The following MACROD2 variants were observed in gnomAD, a reference collection of about 807,000 sequenced individuals.
The protein encoded by MACROD2 is mono-ADP ribosylhydrolase 2, also known as ADP-ribose glycohydrolase MACROD2.
Under a neutral mutation model 70.4 loss-of-function variants are expected in MACROD2, and 36 were observed. The ratio of observed to expected loss-of-function variants is 0.51; its 90% confidence interval spans 0.39 to 0.68. The LOEUF (loss-of-function observed/expected upper bound fraction) is 0.68, where lower values mean the gene tolerates loss of function less well. MACROD2 is among the 30% of genes least tolerant of loss of function. The probability of loss-of-function intolerance (pLI) is 0.00; values close to 1 mark genes in which losing one functional copy is unlikely to be tolerated. For synonymous variants in MACROD2, 172 were observed against 178.8 expected, an observed-to-expected ratio of 0.96 and a Z score of 0.30; for missense variants, 496 against 538.4, an observed-to-expected ratio of 0.92 and a Z score of 0.78.
chr20:15,751,527 T>A (rs1420061139), intron 8 of MACROD2, among the ~76,000 whole-genome samples: 1 of 152,112 alleles, frequency 6.6e-6, no homozygotes, highest in Non-Finnish European at 1.5e-5. Flanking sequence ...ATTAAATCTA[T>A]GAAAGCTATG....
intron 2 of MACROD2, among the ~76,000 whole-genome samples, chr20:14,084,211 A>G (rs1039954469): frequency 8.7e-5 from 13 of 149,560 alleles, no homozygotes; most frequent in African/African-American, 3.2e-4. Flanking sequence ...GGGAGGGTGT[A>G]TTGTGGTCCA....
intron 5 of MACROD2, among the ~76,000 whole-genome samples, chr20:15,069,298 A>C (rs2075601058): frequency 6.6e-6 from 1 of 152,250 alleles, no homozygotes; most frequent in Non-Finnish European, 1.5e-5. Flanking sequence ...AATGAGAAGC[A>C]GAGCTTAAAA....
intron 6 of MACROD2, among the ~76,000 whole-genome samples, chr20:15,413,759 G>A (rs530027085): frequency 7.6e-4 from 116 of 152,256 alleles, no homozygotes; most frequent in South Asian, 5.8e-3. Flanking sequence ...ATTCTTGGAA[G>A]CCTCTCAGAT....
intron 5 of MACROD2, among the ~76,000 whole-genome samples, chr20:14,765,438 G>GA: frequency 6.6e-6 from 1 of 151,660 alleles, no homozygotes; most frequent in Middle Eastern, 3.4e-3. Context: ...ACTTTTTGTT[G>GA]AAAACGAAGC....
chr20:14,778,188 G>A (rs1310989218), intron 5 of MACROD2, among the ~76,000 whole-genome samples: 2 of 152,114 alleles, frequency 1.3e-5, no homozygotes, highest in Non-Finnish European at 2.9e-5. Flanking sequence ...TTCATGTTGC[G>A]AGAGAGAAGT....
rs919754217 is a variant in MACROD2 at position 16,009,270 on chromosome 20, A to G, written c.1153+22112A>G. Among the ~76,000 whole-genome samples, 5 of 152,258 alleles carry G rather than the reference A, an allele frequency of 3.3e-5. No homozygotes were observed. In the East Asian group the frequency reaches 7.7e-4, roughly 23 times the overall value. On this transcript the variant is annotated intron_variant, in intron 15 of 17. Transcript: ENST00000684519. ...TTGCAGCATGTACCATAGGACAGTG[A>G]CAGTCACAGTTGACATTTGTATAGA...
chr20:14,618,748 G>A (rs549918443), intron 4 of MACROD2, among the ~76,000 whole-genome samples: 3 of 152,194 alleles, frequency 2.0e-5, no homozygotes, highest in East Asian at 1.9e-4. Flanking sequence ...GAGAAGCTTT[G>A]CTGAAAGTTT....
At chr20:15,057,902 C>G (rs923088817) in intron 5 of MACROD2, among the ~76,000 whole-genome samples, 2 of 152,082 alleles carry the variant, frequency 1.3e-5, no homozygotes, top group African/African-American at 4.8e-5. Flanking sequence ...GATAGTTTTT[C>G]CCTGCCCCTA....
intron 8 of MACROD2, among the ~76,000 whole-genome samples, chr20:15,853,083 C>T (rs1054363634): frequency 1.3e-5 from 2 of 152,122 alleles, no homozygotes; most frequent in African/African-American, 4.8e-5. Flanking sequence ...CCCTGATATT[C>T]TCATCTGGCT....
At chr20:14,917,962 C>T (rs532701616) in intron 5 of MACROD2, among the ~76,000 whole-genome samples, 6 of 151,980 alleles carry the variant, frequency 3.9e-5, no homozygotes, top group Middle Eastern at 3.4e-3. Context: ...ATGCGGTATA[C>T]GGAAGGATTT....
At chr20:15,223,433 C>G (rs2076878833) in intron 5 of MACROD2, among the ~76,000 whole-genome samples, 2 of 152,156 alleles carry the variant, frequency 1.3e-5, no homozygotes, top group Admixed American at 1.3e-4. Flanking sequence ...TTTCCTCTGT[C>G]CACAGGTTCC....
intron 3 of MACROD2, among the ~76,000 whole-genome samples, chr20:14,102,246 C>T (rs2054311113): frequency 6.6e-6 from 1 of 151,886 alleles, no homozygotes; most frequent in African/African-American, 2.4e-5. Flanking sequence ...TTGTGATCTG[C>T]CCGCCTCAGC....
At chr20:14,848,248 G>C (rs1199377399) in intron 5 of MACROD2, among the ~76,000 whole-genome samples, 1 of 152,114 alleles carries the variant, frequency 6.6e-6, no homozygotes, top group East Asian at 1.9e-4. Context: ...CTTACTTAAA[G>C]AACTTGTACA....
intron 15 of MACROD2, among the ~76,000 whole-genome samples, chr20:16,009,751 C>CT (rs559791143): frequency 6.3e-4 from 95 of 151,880 alleles, no homozygotes; most frequent in African/African-American, 2.2e-3. Context: ...GAGCAAGACT[C>CT]TGTCTCAAAA....
chr20:14,839,358 C>T (rs2073063684), intron 5 of MACROD2, among the ~76,000 whole-genome samples: 1 of 152,036 alleles, frequency 6.6e-6, no homozygotes, highest in African/African-American at 2.4e-5. Context: ...TTGATTTAAG[C>T]TGAGTACTTT....
chr20:14,231,721 T>G (rs2081814684), intron 3 of MACROD2, among the ~76,000 whole-genome samples: 1 of 152,224 alleles, frequency 6.6e-6, no homozygotes, highest in African/African-American at 2.4e-5. Context: ...CCACACTGAC[T>G]TCCACAATGG....
At chr20:14,831,437 A>G (rs905920743) in intron 5 of MACROD2, among the ~76,000 whole-genome samples, 2 of 151,882 alleles carry the variant, frequency 1.3e-5, no homozygotes, top group African/African-American at 4.8e-5. Context: ...TTGCCTTTTG[A>G]CAGTTACTCC....
rs534259556 is a variant in MACROD2 at position 14,463,785 on chromosome 20, A to T, written c.272-29694A>T. Among the ~76,000 whole-genome samples the T allele has an allele frequency of 3.3e-5, 5 of 152,110 alleles. No individual in the cohort carries two copies. The South Asian group carries it at 8.3e-4, about 25-fold the overall frequency. ...TCAAAGGCCTTTTCTGCATCTATTG[A>T]GATAATCATGTGGTTTTTGTCTTTG... is the stretch of plus-strand genomic sequence containing the variant. On this transcript the variant is annotated intron_variant, in intron 3 of 17. Transcript: ENST00000684519.
chr20:14,393,977 G>A (rs563764512), intron 3 of MACROD2, among the ~76,000 whole-genome samples: 3 of 152,142 alleles, frequency 2.0e-5, no homozygotes, highest in African/African-American at 4.8e-5. Context: ...GAAGAGGGCC[G>A]TCACTAAGAA....
Sources: gnomAD v4.1 joint callset for allele counts (sites outside exome capture counted in the v4.1 genomes callset) on GRCh38, gnomAD v4.1.1 for gene constraint, MANE v1.5 for transcripts, NCBI Gene and HGNC (gene_info 2026-07-23, HGNC 2026-07-21) for gene names.